The following ABI3BP variants were observed in gnomAD, a reference collection of about 807,000 sequenced individuals.
The protein encoded by ABI3BP is ABI family member 3 binding protein, also known as target of Nesh-SH3.
Under a neutral mutation model 268.6 loss-of-function variants are expected in ABI3BP, and 216 were observed. That is an observed-to-expected ratio of 0.80 (90% CI 0.72 to 0.90). The LOEUF is 0.90. Among genes scored for constraint, ABI3BP ranks in the 40% least tolerant of loss-of-function variants. ABI3BP has a pLI of 0.00. For synonymous variants in ABI3BP, 730 were observed against 730.0 expected, an observed-to-expected ratio of 1.00 and a Z score of 0.00; for missense variants, 2,090 against 2,182.4, an observed-to-expected ratio of 0.96 and a Z score of 0.84.
At chr3:100,814,617 G>C (rs1161937993) in intron 44 of ABI3BP, among the ~76,000 whole-genome samples, 1 of 151,962 alleles carries the variant, frequency 6.6e-6, no homozygotes, top group African/African-American at 2.4e-5. Flanking sequence ...AAAACCTTAG[G>C]GTTTCTTCAT....
Position 100,850,706 on chromosome 3 carries a change from G to T in ABI3BP, c.1380C>A (p.Ile460=), listed in dbSNP as rs372210609. Residue 460 remains isoleucine (I), a synonymous_variant, in exon 16 of 68, where the codon ATC becomes ATA. Coordinates refer to ENST00000471714, the MANE Select transcript of ABI3BP (RefSeq NM_001375547.2). ...TATSDRILDS[I]PPKTSRTLEQ... is the part of the protein sequence containing the mutation. ...CAAGAGTTCTAGAAGTTTTAGGTGGGATAGAATCCAGAATACGATCACTTG... is the reference window on the plus strand; with the variant it reads ...CAAGAGTTCTAGAAGTTTTAGGTGGTATAGAATCCAGAATACGATCACTTG... 1 of 1,613,182 alleles carries T rather than the reference G, an allele frequency of 6.2e-7. No homozygotes were observed. The highest frequency in any genetic ancestry group is 1.3e-5 in the African/African-American group (1 of 74,988).
At chr3:100,971,611 T>C (rs1285748510) in intron 1 of ABI3BP, among the ~76,000 whole-genome samples, 1 of 152,188 alleles carries the variant, frequency 6.6e-6, no homozygotes, top group East Asian at 1.9e-4. Context: ...AAAACGTGCT[T>C]CCACTCTTCC....
intron 56 of ABI3BP, among the ~76,000 whole-genome samples, chr3:100,788,733 T>C (rs2097120717): frequency 6.6e-6 from 1 of 152,002 alleles, no homozygotes; most frequent in East Asian, 1.9e-4. Flanking sequence ...AACCAAATAA[T>C]ATAAAATTAT....
Position 100,835,735 on chromosome 3 carries a change from T to A in ABI3BP, c.2132-75A>T, listed in dbSNP as rs146809866. 207 of 1,180,588 alleles carry A rather than the reference T, an allele frequency of 1.8e-4. No homozygotes were observed. In the African/African-American group the frequency reaches 2.6e-3, roughly 15 times the overall value. 73.1% of individuals were successfully genotyped at this position (1,180,588 alleles called of 1,614,324 possible). ...ACAAAGTTATTTTGAAAATGAATCT[T>A]CTTAACCCTTTAATGTTTTAAATAC... On this transcript the variant is annotated intron_variant, in intron 27 of 67. Transcript: ENST00000471714.
chr3:100,960,297 T>C (rs942266890), intron 1 of ABI3BP, among the ~76,000 whole-genome samples: 4 of 152,178 alleles, frequency 2.6e-5, no homozygotes, highest in African/African-American at 4.8e-5. Flanking sequence ...TGCATGTAAT[T>C]GGAAACTCGG....
intron 20 of ABI3BP, among the ~76,000 whole-genome samples, chr3:100,842,354 A>C (rs1503840): frequency 0.7 from 105,869 of 152,058 alleles, 37,908 homozygotes; most frequent in African/African-American, 0.86. Flanking sequence ...CTGTCACCTG[A>C]TATTTGTTTC....
rs558875492 is a variant in ABI3BP at position 100,792,230 on chromosome 3, G to A, written c.4024+461C>T. 6.6e-5 allele frequency among the ~76,000 whole-genome samples: 10 copies of A among 151,976 alleles called. No homozygotes were observed. The South Asian group carries it at 1.7e-3, about 25-fold the overall frequency. ...AAATATTGTCATAATTTTGAAAAAT[G>A]ATTTTTCTTTTTAATAGCTTTTTTC... On this transcript the variant is annotated intron_variant, in intron 55 of 67. Coordinates refer to ENST00000471714, the MANE Select transcript of ABI3BP (RefSeq NM_001375547.2).
chr3:100,824,121 C>A (rs1184139629), intron 36 of ABI3BP, among the ~76,000 whole-genome samples: 1 of 152,188 alleles, frequency 6.6e-6, no homozygotes, highest in Non-Finnish European at 1.5e-5. Context: ...AAATCAAAGA[C>A]TTTTGATGTC....
chr3:100,977,095 A>G (rs1356227408), intron 1 of ABI3BP, among the ~76,000 whole-genome samples: 1 of 152,220 alleles, frequency 6.6e-6, no homozygotes, highest in Non-Finnish European at 1.5e-5. Context: ...ATTGATCCCA[A>G]AATTCTCTTC....
chr3:100,841,827 T>G (rs2098707356), intron 21 of ABI3BP, among the ~76,000 whole-genome samples, 171 bp downstream of exon 21: 1 of 151,364 alleles, frequency 6.6e-6, no homozygotes, highest in African/African-American at 2.4e-5. Context: ...GAGGCAGAAG[T>G]TGCAGTGAGC....
intron 51 of ABI3BP, among the ~76,000 whole-genome samples, chr3:100,799,035 A>G (rs1187425054): frequency 6.6e-6 from 1 of 151,764 alleles, no homozygotes; most frequent in Non-Finnish European, 1.5e-5. Context: ...TATTTCTGTT[A>G]TATTTTTCTC....
chr3:100,779,260 CCA>C (rs1201851649), intron 58 of ABI3BP, among the ~76,000 whole-genome samples: 2 of 152,140 alleles, frequency 1.3e-5, no homozygotes, highest in South Asian at 2.1e-4. Context: ...TAGTTGTGTA[CCA>C]CACAAAGACA....
At chr3:100,806,171 T>C (rs1396863752) in intron 50 of ABI3BP, among the ~76,000 whole-genome samples, 1 of 152,086 alleles carries the variant, frequency 6.6e-6, no homozygotes, top group Non-Finnish European at 1.5e-5. Context: ...ACACTTTCAG[T>C]AAAACTAACA....
At chr3:100,852,531 T>G (rs1278615955) in intron 14 of ABI3BP, among the ~76,000 whole-genome samples, 1 of 152,224 alleles carries the variant, frequency 6.6e-6, no homozygotes, top group African/African-American at 2.4e-5. Flanking sequence ...ATTTTTTAGA[T>G]AACCAAGTTG....
chr3:100,879,704 G>A (rs1167605949), intron 6 of ABI3BP, among the ~76,000 whole-genome samples: 1 of 152,212 alleles, frequency 6.6e-6, no homozygotes, highest in African/African-American at 2.4e-5. Flanking sequence ...TGTACAATAT[G>A]TGCTGCCAAA....
intron 2 of ABI3BP, among the ~76,000 whole-genome samples, chr3:100,903,876 TTTGCCTCATCATTGTACAG>T (rs2051771108): frequency 6.6e-6 from 1 of 152,162 alleles, no homozygotes; most frequent in South Asian, 2.1e-4. Flanking sequence ...ACCTCAGAGC[TTTGCCTCATCATTGTACAG>T]TTGCCTCCTG....
At chr3:100,866,352 T>C (rs1045820607) in intron 10 of ABI3BP, among the ~76,000 whole-genome samples, 1 of 152,212 alleles carries the variant, frequency 6.6e-6, no homozygotes, top group African/African-American at 2.4e-5. Context: ...TGACAAACTA[T>C]GGAGAAAATG....
chr3:100,972,280 A>G (rs565902999), intron 1 of ABI3BP, among the ~76,000 whole-genome samples: 1 of 152,332 alleles, frequency 6.6e-6, no homozygotes, highest in Non-Finnish European at 1.5e-5. Context: ...ACCCCTCTGT[A>G]CTGAAAGGGA....
chr3:100,775,805 G>A (rs185597675), intron 59 of ABI3BP, among the ~76,000 whole-genome samples: 173 of 152,290 alleles, frequency 1.1e-3, no homozygotes, highest in Non-Finnish European at 9.0e-4. Context: ...GGAAGGGCAA[G>A]GAAGGGCAGA....
Sources: allele counts gnomAD v4.1 joint callset (sites outside exome capture counted in the v4.1 genomes callset), GRCh38; gene constraint gnomAD v4.1.1; transcripts MANE v1.5; gene names NCBI Gene and HGNC (gene_info 2026-07-23, HGNC 2026-07-21).